Variants in NBEA observed in about 807,000 individuals in gnomAD.
NBEA encodes the protein lysosomal-trafficking regulator 2.
Under a neutral mutation model 343.4 loss-of-function variants are expected in NBEA, and 44 were observed. The ratio of observed to expected loss-of-function variants is 0.13; its 90% CI spans 0.10 to 0.16. NBEA has a LOEUF of 0.16. NBEA is among the 10% of genes least tolerant of loss of function. NBEA has a pLI of 1.00. For missense variants in NBEA, 2,555 were observed against 3,631.3 expected, an observed-to-expected ratio of 0.70 and a Z score of 7.62; for synonymous variants, 1,175 against 1,238.7, an observed-to-expected ratio of 0.95 and a Z score of 1.08.
At chr13:35,042,430 TATC>T (rs1345029393) in intron 2 of NBEA, among the ~76,000 whole-genome samples, 6 of 151,854 alleles carry the variant, frequency 4.0e-5, no homozygotes, top group Admixed American at 3.9e-4. Flanking sequence ...TTTTATAGAA[TATC>T]ATATGATCTT....
In NBEA at chr13:35,475,827, G is replaced by A. The variant is rs142862986; in HGVS notation, c.6585+3291G>A. 3.7e-6 allele frequency: 6 copies of A among 1,613,876 alleles called. No individual in the cohort carries two copies. The African/African-American group carries it at 4.0e-5, about 11-fold the overall frequency. On this transcript the variant is annotated intron_variant, in intron 41 of 58. Coordinates refer to ENST00000379939, the MANE Select transcript of NBEA (RefSeq NM_001385012.1). ...AGAGGGACATGCTCCTCTTGCGCCC[G>A]TCGCTCAACTTCAGCACCGCGCAGC...
chr13:35,045,472 C>A, intron 4 of NBEA, 71 bp downstream of exon 4: 2 of 1,216,272 alleles, frequency 1.6e-6, no homozygotes, highest in Admixed American at 2.5e-5. Context: ...GTTTAACTTA[C>A]ATATAATAAA....
rs2085654402 is a variant in NBEA, at chr13:35,672,603, A to G, written c.*1612A>G. ...GAAGACAAGTTCATTTCATCTTGAG[A>G]TCATGGTGAAATATTTTGGATATAT... is the stretch of plus-strand genomic sequence containing the variant. On this transcript the variant is annotated 3_prime_UTR_variant, in exon 59 of 59. Coordinates refer to ENST00000379939, the MANE Select transcript of NBEA (RefSeq NM_001385012.1). The G allele has an allele frequency of 6.6e-6, 1 of 152,658 alleles. No individual in the cohort carries two copies. The allele number at this position is 152,658 out of a possible 1,614,324, so 9.5% of individuals were successfully genotyped here. A position where few individuals can be genotyped will look rare whatever the true frequency, so the allele number is the denominator to read the frequency against.
intron 41 of NBEA, among the ~76,000 whole-genome samples, chr13:35,483,297 G>A (rs559094414): frequency 1.4e-4 from 22 of 151,928 alleles, no homozygotes; most frequent in Non-Finnish European, 2.2e-4. Context: ...ATATAAGTTA[G>A]CAACATTTGA....
intron 49 of NBEA, among the ~76,000 whole-genome samples, chr13:35,632,555 C>A (rs1303758597): frequency 6.6e-6 from 1 of 151,940 alleles, no homozygotes; most frequent in African/African-American, 2.4e-5. Context: ...GTACCTATCA[C>A]CCAATTTCAA....
intron 1 of NBEA, among the ~76,000 whole-genome samples, chr13:34,996,311 TTATTTATTTTACATTCA>T (rs2060939254): frequency 2.0e-5 from 3 of 152,172 alleles, no homozygotes; most frequent in South Asian, 4.1e-4. Context: ...AGAGTCTTTA[TTATTTATTTTACATTCA>T]TATTTATTTT....
chr13:35,656,928 A>T (rs971022797), intron 55 of NBEA, among the ~76,000 whole-genome samples: 1 of 152,332 alleles, frequency 6.6e-6, no homozygotes, highest in Non-Finnish European at 1.5e-5. Flanking sequence ...ACAAGATGCC[A>T]TGTTACATTG....
intron 34 of NBEA, among the ~76,000 whole-genome samples, chr13:35,255,215 A>G (rs1434733665): frequency 5.3e-5 from 8 of 152,216 alleles, no homozygotes; most frequent in Admixed American, 5.2e-4. Flanking sequence ...TTTTGGAATA[A>G]ATAGGGACTG....
intron 38 of NBEA, among the ~76,000 whole-genome samples, chr13:35,362,343 T>C (rs2248945): frequency 0.12 from 17,540 of 151,940 alleles, 1,492 homozygotes; most frequent in African/African-American, 0.23. Context: ...TATTTATATA[T>C]GTGTGTGTAT....
intron 39 of NBEA, among the ~76,000 whole-genome samples, chr13:35,445,799 T>TATATATATATATAC (rs2045990309): frequency 1.2e-5 from 1 of 84,310 alleles, no homozygotes; most frequent in Non-Finnish European, 2.4e-5. Flanking sequence ...TATATATATA[T>TATATATATATATAC]ATATATATAT....
chr13:35,237,376 C>T (rs948150082), intron 34 of NBEA, among the ~76,000 whole-genome samples: 3 of 152,212 alleles, frequency 2.0e-5, no homozygotes, highest in Admixed American at 6.5e-5. Flanking sequence ...TTGCTCTCCA[C>T]CCCAGCCTGT....
At chr13:35,588,913 C>T (rs985950242) in intron 46 of NBEA, among the ~76,000 whole-genome samples, 1 of 152,094 alleles carries the variant, frequency 6.6e-6, no homozygotes, top group African/African-American at 2.4e-5. Context: ...TAGAATTTGA[C>T]ACTTTCTGTG....
At chr13:35,285,024 G>T (rs947281956) in intron 34 of NBEA, among the ~76,000 whole-genome samples, 1 of 152,098 alleles carries the variant, frequency 6.6e-6, no homozygotes, top group East Asian at 1.9e-4. Flanking sequence ...TAAGGCAAAT[G>T]AAGCATATTG....
chr13:35,655,089 A>C (rs2084751640), intron 54 of NBEA, 79 bp downstream of exon 54: 2 of 1,170,490 alleles, frequency 1.7e-6, no homozygotes, highest in Non-Finnish European at 2.2e-6. Context: ...AATCATACTT[A>C]ATGTAGGCAT....
intron 36 of NBEA, among the ~76,000 whole-genome samples, chr13:35,346,300 G>C (rs1206871369): frequency 1.3e-5 from 2 of 152,020 alleles, no homozygotes; most frequent in South Asian, 4.1e-4. Context: ...GCTTTCTTCA[G>C]CCTTCAGCAT....
intron 39 of NBEA, among the ~76,000 whole-genome samples, chr13:35,450,795 C>T (rs2046272429): frequency 6.6e-6 from 1 of 152,168 alleles, no homozygotes; most frequent in Non-Finnish European, 1.5e-5. Context: ...ATACAGAACA[C>T]AGTATATGAC....
At chr13:35,233,288 C>G (rs2075070354) in intron 34 of NBEA, among the ~76,000 whole-genome samples, 1 of 152,090 alleles carries the variant, frequency 6.6e-6, no homozygotes, top group Admixed American at 6.6e-5. Context: ...TTCAGGTAGT[C>G]CTGGGATTTA....
intron 8 of NBEA, among the ~76,000 whole-genome samples, chr13:35,059,139 A>G (rs2063372213): frequency 6.6e-6 from 1 of 151,864 alleles, no homozygotes; most frequent in Non-Finnish European, 1.5e-5. Context: ...TGCTTAATGT[A>G]GTATTTAAAA....
chr13:35,657,620 T>C (rs1022500963), intron 55 of NBEA, among the ~76,000 whole-genome samples: 17 of 152,246 alleles, frequency 1.1e-4, no homozygotes, highest in African/African-American at 4.1e-4. Flanking sequence ...AAGTATATTT[T>C]ATCTAAATAT....
Sources: allele counts gnomAD v4.1 joint callset (sites outside exome capture counted in the v4.1 genomes callset), GRCh38; gene constraint gnomAD v4.1.1; transcripts MANE v1.5; gene names NCBI Gene and HGNC (gene_info 2026-07-23, HGNC 2026-07-21).